The following DNAH11 variants were observed in gnomAD, a reference collection of about 807,000 sequenced individuals.
DNAH11 encodes the protein axonemal beta dynein heavy chain 11.
DNAH11 carries 442 observed loss-of-function variants against 526.0 expected under a neutral mutation model. The observed-to-expected ratio is 0.84, with a 90% CI of 0.78 to 0.91. The LOEUF is 0.91. DNAH11 is among the 40% of genes least tolerant of loss of function. DNAH11 has a pLI of 0.00. For synonymous variants in DNAH11, 2,461 were observed against 1,935.9 expected (o/e 1.27, Z -7.12); for missense variants, 6,989 against 5,448.7 (o/e 1.28, Z -8.90).
intron 2 of DNAH11, among the ~76,000 whole-genome samples, chr7:21,545,445 G>A (rs1299256118): frequency 6.6e-6 from 1 of 152,008 alleles, no homozygotes; most frequent in Non-Finnish European, 1.5e-5. Context: ...CAACACAATA[G>A]AAGCAAATAA....
Position 21,707,629 on chromosome 7 carries a change from A to G in DNAH11, c.6547-70A>G, listed in dbSNP as rs1784319625. ...ATATAATGAATACGGAAAACTCTTC[A>G]GAAATCTTTTACTTTCCATTTGGCT... On this transcript the variant is annotated intron_variant, in intron 39 of 81. Coordinates refer to ENST00000409508, the MANE Select transcript of DNAH11 (RefSeq NM_001277115.2). 2.6e-6 allele frequency: 4 copies of G among 1,543,582 alleles called. No individual in the cohort carries two copies. The Admixed American group carries it at 6.1e-5, about 23-fold the overall frequency.
intron 15 of DNAH11, 41 bp from the exon 16 acceptor site, chr7:21,600,635 G>A (rs781221678): frequency 7.2e-6 from 11 of 1,531,644 alleles, no homozygotes; most frequent in Non-Finnish European, 9.7e-6. Flanking sequence ...GTAAAGTAAG[G>A]TTGGTTTGAA....
At chr7:21,883,165 T>G (rs972700575) in intron 75 of DNAH11, among the ~76,000 whole-genome samples, 6 of 152,244 alleles carry the variant, frequency 3.9e-5, no homozygotes, top group Non-Finnish European at 7.3e-5. Flanking sequence ...ATTGGCATAG[T>G]TGAAGCAATT....
chr7:21,591,374 G>C lies in DNAH11; in HGVS notation c.2464G>C (p.Glu822Gln), dbSNP rs200388651. ...CGAGAGGGTGAGGGCAGCCACGTCC[G>C]AGTTGGAGCACAGAGTTGAGCGCAC... is the stretch of plus-strand genomic sequence containing the variant. Reference protein sequence around the residue: ...YIERVRAATSELEHRVERTQK... With the variant: ...YIERVRAATSQLEHRVERTQK... The change falls in exon 14 of 82, where the codon GAG becomes CAG. Residue 822 changes from glutamate to glutamine, a missense_variant. By Grantham distance (29) the Glu-to-Gln change is conservative (BLOSUM62 2). Coordinates refer to ENST00000409508, the MANE Select transcript of DNAH11 (RefSeq NM_001277115.2). The C allele has an allele frequency of 1.2e-6, 2 of 1,613,952 alleles. No individual in the cohort carries two copies. Among genetic ancestry groups the C allele is most frequent in the East Asian group, 4.5e-5 (2 of 44,868 alleles).
Position 21,578,754 on chromosome 7 carries a change from C to T in DNAH11, c.1594-3151C>T, listed in dbSNP as rs1219507524. ...AATCTAGGTGGAGGTTCTCAAGGCT[C>T]AACTCTTGGCTTCTGTGTACCCACA... On this transcript the variant is annotated intron_variant, in intron 8 of 81. Transcript: ENST00000409508. Among the ~76,000 whole-genome samples the T allele has an allele frequency of 2.6e-5, 4 of 151,000 alleles. No individual in the cohort carries two copies. In the East Asian group the frequency reaches 8.0e-4, roughly 30 times the overall value.
intron 56 of DNAH11, among the ~76,000 whole-genome samples, chr7:21,776,460 G>A (rs1787676126): frequency 6.6e-6 from 1 of 152,100 alleles, no homozygotes; most frequent in South Asian, 2.1e-4. Context: ...CTGTATATTG[G>A]GGCATGTATC....
At chr7:21,715,621 A>G (rs1291337186) in intron 42 of DNAH11, among the ~76,000 whole-genome samples, 1 of 152,158 alleles carries the variant, frequency 6.6e-6, no homozygotes, top group African/African-American at 2.4e-5. Context: ...AACTTTTTAT[A>G]TGAAGCAGTG....
intron 6 of DNAH11, 64 bp from the exon 7 acceptor site, chr7:21,570,004 AG>A: frequency 1.3e-5 from 16 of 1,270,496 alleles, no homozygotes; most frequent in Non-Finnish European, 1.7e-5. Context: ...TTTGAAACAG[AG>A]ACGGTTACAG....
chr7:21,800,714 A>G lies in DNAH11; in HGVS notation c.10027-423A>G, dbSNP rs545591994. 1.2e-4 allele frequency among the ~76,000 whole-genome samples: 18 copies of G among 152,310 alleles called. No individual in the cohort carries two copies. In the South Asian group the frequency reaches 2.9e-3, roughly 25 times the overall value. ...AACACCCCTCTTCACTGCCTGAACTATGAACCCAAAGAGAAAAGAATCCGT... is the reference window on the plus strand; with the variant it reads ...AACACCCCTCTTCACTGCCTGAACTGTGAACCCAAAGAGAAAAGAATCCGT... On this transcript the variant is annotated intron_variant, in intron 61 of 81. Coordinates refer to ENST00000409508, the MANE Select transcript of DNAH11 (RefSeq NM_001277115.2).
At chr7:21,588,372 C>T in intron 10 of DNAH11, 140 bp from the exon 11 acceptor site, 1 of 1,321,876 alleles carries the variant, frequency 7.6e-7, no homozygotes, top group South Asian at 1.4e-5. Context: ...AGGACTGTAA[C>T]TCTTCTAGTA....
intron 62 of DNAH11, among the ~76,000 whole-genome samples, chr7:21,803,689 G>A (rs1482824634): frequency 2.0e-5 from 3 of 151,400 alleles, no homozygotes; most frequent in African/African-American, 7.3e-5. Flanking sequence ...CATCATTGAA[G>A]TCTGGAAAAG....
At position 21,864,117 on chromosome 7, in the gene DNAH11, T is replaced by C. The variant is rs540417911; in HGVS notation, c.11374-418T>C. On this transcript the variant is annotated intron_variant, in intron 69 of 81. Transcript: ENST00000409508. Reference sequence around the variant, plus strand: ...AAAATCCTTCATGTACCTTGTAGTTTATTGAATAACTACTATACCAGAATT... The same window carrying C: ...AAAATCCTTCATGTACCTTGTAGTTCATTGAATAACTACTATACCAGAATT... Among the ~76,000 whole-genome samples the C allele has an allele frequency of 4.6e-5, 7 of 152,350 alleles. 1 individual carries two copies. The highest frequency in any genetic ancestry group is 1.0e-4 in the Non-Finnish European group (7 of 68,016).
chr7:21,720,606 A>C, intron 43 of DNAH11, 119 bp from the exon 44 acceptor site: 1 of 1,181,074 alleles, frequency 8.5e-7, no homozygotes, highest in South Asian at 1.6e-5. Flanking sequence ...CAATGTAGCA[A>C]ATCACAGCTG....
intron 8 of DNAH11, among the ~76,000 whole-genome samples, chr7:21,579,610 G>A (rs1784233664): frequency 6.6e-6 from 1 of 152,110 alleles, no homozygotes; most frequent in Non-Finnish European, 1.5e-5. Flanking sequence ...GTGTGAAATT[G>A]GGAGAGATGG....
intron 75 of DNAH11, among the ~76,000 whole-genome samples, chr7:21,881,488 A>G (rs1783923376): frequency 5.3e-5 from 8 of 152,230 alleles, no homozygotes; most frequent in Admixed American, 3.9e-4. Flanking sequence ...GGAATGCCTC[A>G]TCAAGAACAT....
chr7:21,901,049 G>A lies in DNAH11; in HGVS notation c.13346G>A (p.Arg4449His), dbSNP rs138945257. 124 of 1,613,160 alleles carry A rather than the reference G, an allele frequency of 7.7e-5. No individual in the cohort carries two copies. Among genetic ancestry groups the A allele is most frequent in the African/African-American group, 7.1e-4 (53 of 75,010 alleles). The change falls in exon 82 of 82, where the codon CGT becomes CAT. Residue 4449 changes from arginine to histidine, a missense_variant. Coordinates refer to ENST00000409508, the MANE Select transcript of DNAH11 (RefSeq NM_001277115.2). ...CAAGCAGGAACCATTGTTGAAGCCC[G>A]TCTCAAGGAGCTGGCATGCCCTATG... is the stretch of plus-strand genomic sequence containing the variant. Reference protein sequence around the residue: ...DTQAGTIVEARLKELACPMPV... With the variant: ...DTQAGTIVEAHLKELACPMPV...
At chr7:21,847,969 T>A (rs1782480497) in intron 66 of DNAH11, among the ~76,000 whole-genome samples, 1 of 151,940 alleles carries the variant, frequency 6.6e-6, no homozygotes, top group African/African-American at 2.4e-5. Context: ...ATCGATACCA[T>A]CCTGGCTAAC....
At chr7:21,701,460 T>G (rs1326787709) in intron 36 of DNAH11, among the ~76,000 whole-genome samples, 2 of 152,000 alleles carry the variant, frequency 1.3e-5, no homozygotes, top group Non-Finnish European at 2.9e-5. Context: ...CAGCTAATTT[T>G]TGTATTTTTT....
rs10227479 is a variant in DNAH11 at position 21,753,695 on chromosome 7, T to A, written c.8940+3331T>A. 7.9e-3 allele frequency among the ~76,000 whole-genome samples: 1,211 copies of A among 152,342 alleles called. 11 individuals carry two copies. The highest frequency in any genetic ancestry group is 0.028 in the African/African-American group (1,165 of 41,584). On this transcript the variant is annotated intron_variant, in intron 54 of 81. Transcript: ENST00000409508. ...TCTTTTCTTGTTAACTGTCTGCTAC[T>A]GATTTCAGCATTGCACTATAAATTA...
Sources: allele counts gnomAD v4.1 joint callset (sites outside exome capture counted in the v4.1 genomes callset), GRCh38; gene constraint gnomAD v4.1.1; transcripts MANE v1.5; gene names NCBI Gene and HGNC (gene_info 2026-07-23, HGNC 2026-07-21).